The following NHS variants were observed in gnomAD, a reference collection of about 807,000 sequenced individuals.
The protein encoded by NHS is actin remodeling regulator NHS.
A neutral mutation model predicts 72.5 loss-of-function variants in NHS; 5 were observed. That is an observed-to-expected ratio of 0.07 (90% CI 0.04 to 0.14). The LOEUF is 0.14. Among genes scored for constraint, NHS ranks in the 10% least tolerant of loss-of-function variants. The pLI is 1.00. For synonymous variants in NHS, 464 were observed against 547.7 expected, an observed-to-expected ratio of 0.85 and a Z score of 2.13; for missense variants, 1,072 against 1,355.7, an observed-to-expected ratio of 0.79 and a Z score of 3.29.
chrX:17,632,567 C>G (rs890116635), intron 1 of NHS, among the ~76,000 whole-genome samples: 14 of 106,345 alleles, frequency 1.3e-4, no homozygotes, highest in Non-Finnish European at 5.7e-5. Flanking sequence ...AGGCACCGTT[C>G]TAGGCACTTG....
chrX:17,430,315 CCTT>C (rs2064687174), intron 1 of NHS, among the ~76,000 whole-genome samples: 1 of 58,875 alleles, frequency 1.7e-5, no homozygotes, highest in Non-Finnish European at 3.1e-5. Context: ...TTCTTTCTTT[CCTT>C]TCTTTCTTTC....
chrX:17,590,784 A>G (rs999838731), intron 1 of NHS, among the ~76,000 whole-genome samples: 11 of 111,362 alleles, frequency 9.9e-5, no homozygotes, highest in African/African-American at 3.6e-4. Context: ...ATACAAATGG[A>G]CTCCAACTAT....
intron 1 of NHS, among the ~76,000 whole-genome samples, chrX:17,623,478 G>A (rs2065783854): frequency 1.8e-5 from 2 of 111,236 alleles, no homozygotes; most frequent in African/African-American, 3.3e-5. Flanking sequence ...CGTGTGGGAA[G>A]TGGGGATGGG....
chrX:17,591,331 G>T (rs745815648), intron 1 of NHS, among the ~76,000 whole-genome samples: 3 of 111,748 alleles, frequency 2.7e-5, no homozygotes, highest in Non-Finnish European at 5.6e-5. Flanking sequence ...CTGGTTGGAT[G>T]CAGGGAGCTC....
At chrX:17,672,839 C>A (rs1172597240) in intron 1 of NHS, among the ~76,000 whole-genome samples, 1 of 112,034 alleles carries the variant, frequency 8.9e-6, no homozygotes, top group Non-Finnish European at 1.9e-5. Context: ...AGGACAATGG[C>A]GCATGTCATG....
At chrX:17,728,873 G>A (rs112343938) in intron 8 of NHS, 98 bp downstream of exon 8, 1 of 1,052,470 alleles carries the variant, frequency 9.5e-7, no homozygotes. Flanking sequence ...AAAGCTTTTT[G>A]TAATTGTAAT....
At position 17,659,759 on chromosome X, in the gene NHS, C is replaced by T. The variant is rs146571617; in HGVS notation, c.566-27983C>T. ...GAATAACCAGACACTAATCTATGCC[C>T]TGCACACATATAGCTCATTTAATCC... is the stretch of plus-strand genomic sequence containing the variant. On this transcript the variant is annotated intron_variant, in intron 1 of 8. Coordinates refer to ENST00000676302, the MANE Select transcript of NHS (RefSeq NM_001291867.2). Among the ~76,000 whole-genome samples the T allele has an allele frequency of 6.5e-3, 731 of 112,246 alleles. 5 individuals are homozygous for T. Among genetic ancestry groups the T allele is most frequent in the African/African-American group, 0.023 (710 of 30,904 alleles).
Position 17,375,957 on chromosome X carries a change from T to TGCCACC in NHS, c.204_209dup (p.Pro72_Pro73dup), listed in dbSNP as rs1569241377. The TGCCACC allele has an allele frequency of 2.8e-6, 3 of 1,075,754 alleles. No individual in the cohort carries two copies. In the Admixed American group the frequency reaches 9.9e-5, roughly 35 times the overall value. The allele number at this position is 1,075,754 out of a possible 1,213,427, so 88.7% of individuals were successfully genotyped here. ...CGCGCCGTCCCTGCACCTTCAGGGCTGCCACCGCCGCCGCCGCCACTGCCC... is the reference window on the plus strand; with the variant it reads ...CGCGCCGTCCCTGCACCTTCAGGGCTGCCACCGCCACCGCCGCCGCCGCCACTGCCC... On this transcript the variant is annotated inframe_insertion, in exon 1 of 9. Coordinates refer to ENST00000676302, the MANE Select transcript of NHS (RefSeq NM_001291867.2).
At chrX:17,572,385 T>C (rs1292779568) in intron 1 of NHS, among the ~76,000 whole-genome samples, 1 of 110,733 alleles carries the variant, frequency 9.0e-6, no homozygotes, top group African/African-American at 3.3e-5. Flanking sequence ...GATAGTTAGC[T>C]CTTCTTGTTG....
At chrX:17,549,562 G>A (rs2065318581) in intron 1 of NHS, among the ~76,000 whole-genome samples, 1 of 111,978 alleles carries the variant, frequency 8.9e-6, no homozygotes, top group African/African-American at 3.2e-5. Context: ...ATTACAGCCA[G>A]CTTTTCACAG....
chrX:17,614,109 G>A (rs753869808), intron 1 of NHS, among the ~76,000 whole-genome samples: 25 of 111,705 alleles, frequency 2.2e-4, no homozygotes, highest in South Asian at 7.5e-4. Flanking sequence ...AGTGCTGAGC[G>A]TCCTCCAGAA....
intron 1 of NHS, among the ~76,000 whole-genome samples, chrX:17,678,293 T>TGTGAGAGA (rs1266362593): frequency 9.8e-6 from 1 of 101,900 alleles, no homozygotes; most frequent in African/African-American, 3.7e-5. Flanking sequence ...TGTGTGTGTG[T>TGTGAGAGA]GAGAGAGAGA....
chrX:17,455,964 T>C (rs1164608591), intron 1 of NHS, among the ~76,000 whole-genome samples: 2 of 111,171 alleles, frequency 1.8e-5, no homozygotes, highest in Non-Finnish European at 3.8e-5. Context: ...TCACAAAATT[T>C]CCTGGAGATA....
chrX:17,389,040 T>A (rs983497955), intron 1 of NHS, among the ~76,000 whole-genome samples: 1 of 111,931 alleles, frequency 8.9e-6, no homozygotes. Context: ...AACCATTGAA[T>A]GTTGAGGAAG....
At chrX:17,586,717 G>A (rs2065578447) in intron 1 of NHS, 1 of 111,889 alleles carries the variant, frequency 8.9e-6, no homozygotes, top group Admixed American at 9.5e-5. Flanking sequence ...CAGGTCTTGG[G>A]AAGCTGGGCA....
intron 1 of NHS, among the ~76,000 whole-genome samples, chrX:17,530,777 A>G (rs1436663028): frequency 2.7e-5 from 3 of 111,306 alleles, no homozygotes; most frequent in African/African-American, 9.8e-5. Context: ...TCTGCATTTC[A>G]TCCTTTTTTC....
chrX:17,665,567 T>C (rs1202921634), intron 1 of NHS, among the ~76,000 whole-genome samples: 1 of 110,217 alleles, frequency 9.1e-6, no homozygotes, highest in African/African-American at 3.3e-5. Flanking sequence ...GACCTCGTGA[T>C]CCACCCGCCT....
At chrX:17,690,815 C>A (rs2066191194) in intron 2 of NHS, among the ~76,000 whole-genome samples, 1 of 111,944 alleles carries the variant, frequency 8.9e-6, no homozygotes, top group South Asian at 3.8e-4. Flanking sequence ...TTTTTTTCCC[C>A]CTTAGTAATT....
intron 1 of NHS, among the ~76,000 whole-genome samples, chrX:17,468,687 G>A (rs1287541730): frequency 9.1e-6 from 1 of 109,506 alleles, no homozygotes; most frequent in East Asian, 2.9e-4. Context: ...CAAATAGCTG[G>A]GACTACAGGC....
Sources: allele counts gnomAD v4.1 joint callset (sites outside exome capture counted in the v4.1 genomes callset), GRCh38; gene constraint gnomAD v4.1.1; transcripts MANE v1.5; gene names NCBI Gene and HGNC (gene_info 2026-07-23, HGNC 2026-07-21).